ANXA2: variants seen among roughly 807,000 people sequenced by gnomAD.
ANXA2 encodes annexin A2.
In ANXA2, 28 loss-of-function variants were observed where a neutral mutation model predicts 47.3. The observed-to-expected ratio is 0.59, with a 90% confidence interval of 0.44 to 0.81. The LOEUF is 0.81. Ranked by LOEUF, ANXA2 falls within the 40% of genes least tolerant of loss-of-function variation. The pLI is 0.00. For missense variants in ANXA2, 384 were observed against 414.3 expected (o/e 0.93, Z 0.64); for synonymous variants, 172 against 155.5 (o/e 1.11, Z -0.79).
At chr15:60,357,617 C>T (rs1595668965) in intron 5 of ANXA2, among the ~76,000 whole-genome samples, 1 of 152,034 alleles carries the variant, frequency 6.6e-6, no homozygotes, top group Admixed American at 6.5e-5. Flanking sequence ...CACAGTGAAA[C>T]CCCATCTCTA....
At chr15:60,374,968 C>G (rs949067759) in intron 3 of ANXA2, among the ~76,000 whole-genome samples, 3 of 152,190 alleles carry the variant, frequency 2.0e-5, no homozygotes, top group African/African-American at 4.8e-5. Context: ...TGCAGCCCTC[C>G]GTTAGAGGAG....
chr15:60,355,975 C>T lies in ANXA2; in HGVS notation c.472G>A (p.Asp158Asn). Residue 158 changes from aspartate to asparagine, a missense_variant, in exon 7 of 13, where the codon GAC (aspartate) becomes AAC (asparagine). Transcript: ENST00000451270. Reference sequence around the variant, plus strand: ...TCACCAGATGTGTCCGAAATAATGTCCTTCTCCAGATCAGTCTTGTACACT... The same window carrying T: ...TCACCAGATGTGTCCGAAATAATGTTCTTCTCCAGATCAGTCTTGTACACT... ...KEMYKTDLEK[D>N]IISDTSGDFR... 2 of 1,614,012 alleles carry T rather than the reference C, an allele frequency of 1.2e-6. No individual in the cohort carries two copies. The highest frequency in any genetic ancestry group is 1.7e-5 in the Admixed American group (1 of 60,014).
rs763439824 is a variant in ANXA2, at chr15:60,357,100, CAT to C, written c.448+44_448+45del. On this transcript the variant is annotated intron_variant, in intron 6 of 12. Transcript: ENST00000451270. ...AACCCCAGTGGCCATGATAGAGTCA[CAT>C]AAATTGGGCTGAGAGGATGAATCAC... 2.5e-6 allele frequency: 4 copies of C among 1,571,310 alleles called. No homozygotes were observed. In the East Asian group the frequency reaches 9.0e-5, roughly 35 times the overall value.
intron 3 of ANXA2, among the ~76,000 whole-genome samples, chr15:60,381,272 G>A (rs1381015114): frequency 2.0e-5 from 3 of 152,200 alleles, no homozygotes; most frequent in African/African-American, 4.8e-5. Context: ...AATGTGACAT[G>A]GCTCTTCACC....
chr15:60,357,352 T>C, intron 5 of ANXA2, 116 bp from the exon 6 acceptor site: 1 of 758,190 alleles, frequency 1.3e-6, no homozygotes, highest in Non-Finnish European at 2.2e-6. Context: ...GCATCCTGCT[T>C]TCTACATTCC....
At chr15:60,382,513 T>C (rs554090145) in intron 2 of ANXA2, 72 bp from the exon 3 acceptor site, 4 of 1,066,318 alleles carry the variant, frequency 3.8e-6, no homozygotes, top group East Asian at 2.5e-5. Context: ...CAATGCCTAA[T>C]ATGTTTTCCT....
At chr15:60,372,353 C>G (rs1019367968) in intron 3 of ANXA2, among the ~76,000 whole-genome samples, 3 of 152,184 alleles carry the variant, frequency 2.0e-5, no homozygotes, top group Admixed American at 6.5e-5. Flanking sequence ...AAGACACTTG[C>G]AGGGCTGAGA....
At chr15:60,385,961 G>GGTTATCCAGAGAA in intron 2 of ANXA2, 67 bp downstream of exon 2, 1 of 1,058,884 alleles carries the variant, frequency 9.4e-7, no homozygotes, top group Non-Finnish European at 1.4e-6. Flanking sequence ...AGGATAGAGA[G>GGTTATCCAGAGAA]TAATATGGTT....
intron 2 of ANXA2, 132 bp from the exon 3 acceptor site, chr15:60,382,573 G>T: frequency 1.6e-6 from 1 of 614,224 alleles, no homozygotes; most frequent in Non-Finnish European, 2.8e-6. Flanking sequence ...TAACTAGGTA[G>T]GTATTAACAC....
intron 6 of ANXA2, 116 bp from the exon 7 acceptor site, chr15:60,356,114 A>T: frequency 1.4e-6 from 1 of 735,996 alleles, no homozygotes; most frequent in South Asian, 1.7e-5. Flanking sequence ...TCAGCTGGAC[A>T]TATCCATTCT....
intron 6 of ANXA2, 52 bp downstream of exon 6, chr15:60,357,094 G>C: frequency 1.3e-6 from 2 of 1,536,116 alleles, no homozygotes; most frequent in South Asian, 2.2e-5. Context: ...GGCCATGATA[G>C]AGTCACATAA....
chr15:60,357,773 G>A (rs1461482711), intron 5 of ANXA2, among the ~76,000 whole-genome samples: 9 of 149,986 alleles, frequency 6.0e-5, no homozygotes, highest in South Asian at 2.1e-4. Flanking sequence ...CAGCCTGGAC[G>A]ACAGAGTAAG....
At chr15:60,359,652 A>G (rs546109099) in intron 5 of ANXA2, among the ~76,000 whole-genome samples, 3 of 152,254 alleles carry the variant, frequency 2.0e-5, no homozygotes, top group East Asian at 1.9e-4. Flanking sequence ...GGAGATGCCC[A>G]GTGTCCGAAG....
In ANXA2 at chr15:60,355,656, C is replaced by T; in HGVS notation, c.528+263G>A. 1.3e-5 allele frequency: 7 copies of T among 533,898 alleles called. No homozygotes were observed. In the South Asian group the frequency reaches 1.4e-4, roughly 11 times the overall value. 33.1% of individuals were successfully genotyped at this position (533,898 alleles called of 1,614,324 possible). A position where few individuals can be genotyped will look rare whatever the true frequency, so the allele number is the denominator to read the frequency against. On this transcript the variant is annotated intron_variant, in intron 7 of 12. Transcript: ENST00000451270. The stretch of plus-strand genomic sequence containing the variant: ...AAGTCACACGGCCAAGGCTCTGGCA[C>T]ATAAATCCAGGCCAGGACTTGAGAG...
chr15:60,359,784 C>A (rs894721734), intron 5 of ANXA2, among the ~76,000 whole-genome samples: 2 of 152,184 alleles, frequency 1.3e-5, no homozygotes, highest in Admixed American at 1.3e-4. Flanking sequence ...AGAAAACAGA[C>A]TCGGAATAAA....
At chr15:60,355,817 T>C in intron 7 of ANXA2, 102 bp downstream of exon 7, 1 of 998,478 alleles carries the variant, frequency 1.0e-6, no homozygotes, top group Non-Finnish European at 1.6e-6. Flanking sequence ...GAATTTCTGA[T>C]GCAGGCACAG....
chr15:60,372,684 A>C (rs2062726090), intron 3 of ANXA2, among the ~76,000 whole-genome samples: 1 of 150,366 alleles, frequency 6.7e-6, no homozygotes, highest in Non-Finnish European at 1.5e-5. Context: ...TCAGCTCAAC[A>C]ATCTTTCCTT....
chr15:60,379,671 T>C (rs376462416), intron 3 of ANXA2, among the ~76,000 whole-genome samples: 2 of 152,334 alleles, frequency 1.3e-5, no homozygotes, highest in Admixed American at 6.5e-5. Context: ...AGAGGTTACT[T>C]TGAAGTTCAT....
rs1566929116 is a variant in ANXA2 at position 60,351,219 on chromosome 15, C to G, written c.811G>C (p.Ala271Pro). ...QCIQNKPLYF[A>P]DRLYDSMKGK... ...TTCATGGAGTCATACAGCCGATCAG[C>G]AAAATACAGGGGCTTGTTCTGAATG... Residue 271 changes from alanine to proline, a missense_variant, in exon 11 of 13, where the codon GCT becomes CCT. Transcript: ENST00000451270. 1 of 1,614,196 alleles carries G rather than the reference C, an allele frequency of 6.2e-7. No homozygotes were observed. Among genetic ancestry groups the G allele is most frequent in the Non-Finnish European group, 8.5e-7 (1 of 1,180,034 alleles).
Sources: allele counts gnomAD v4.1 joint callset (sites outside exome capture counted in the v4.1 genomes callset), GRCh38; gene constraint gnomAD v4.1.1; transcripts MANE v1.5; gene names NCBI Gene and HGNC (gene_info 2026-07-23, HGNC 2026-07-21).